BMP2K: variants seen among roughly 807,000 people sequenced by gnomAD.
The protein encoded by BMP2K is BMP2 inducible kinase.
Under a neutral mutation model 116.0 loss-of-function variants are expected in BMP2K, and 74 were observed. The ratio of observed to expected loss-of-function variants is 0.64; its 90% CI spans 0.53 to 0.77. The LOEUF is 0.77. BMP2K is among the 30% of genes least tolerant of loss of function. The probability of loss-of-function intolerance (pLI) is 0.00; values close to 1 mark genes in which losing one functional copy is unlikely to be tolerated. For missense variants in BMP2K, 1,365 were observed against 1,403.6 expected (o/e 0.97, Z 0.44); for synonymous variants, 486 against 502.5 (o/e 0.97, Z 0.44).
chr4:78,851,968 C>G (rs1351928802), intron 7 of BMP2K, among the ~76,000 whole-genome samples: 12 of 151,742 alleles, frequency 7.9e-5, no homozygotes, highest in African/African-American at 7.3e-5. Flanking sequence ...ACTCATTTGA[C>G]AAATGTCTAA....
chr4:78,911,256 T>G lies in BMP2K; in HGVS notation c.2709T>G (p.Phe903Leu). The G allele has an allele frequency of 6.2e-7, 1 of 1,613,988 alleles. No individual in the cohort carries two copies. Among genetic ancestry groups the G allele is most frequent in the Non-Finnish European group, 8.5e-7 (1 of 1,179,890 alleles). Residue 903 changes from phenylalanine to leucine, a missense_variant, in exon 16 of 16, where the codon TTT becomes TTG. Coordinates refer to ENST00000502613, the MANE Select transcript of BMP2K (RefSeq NM_198892.2). ...EEFDVFTKAPFSKKVNVQECH... is the reference protein window; with the variant it reads ...EEFDVFTKAPLSKKVNVQECH... ...TTGATGTATTCACAAAGGCGCCTTT[T>G]AGCAAGAAGGTGAATGTACAAGAAT...
At chr4:78,834,350 C>T (rs1003489820) in intron 3 of BMP2K, among the ~76,000 whole-genome samples, 5 of 151,796 alleles carry the variant, frequency 3.3e-5, no homozygotes, top group Non-Finnish European at 1.5e-5. Flanking sequence ...CCAGCTCGGC[C>T]TCCCGGGTTC....
chr4:78,903,917 G>C (rs1054143383), intron 15 of BMP2K, among the ~76,000 whole-genome samples: 2 of 151,964 alleles, frequency 1.3e-5, no homozygotes, highest in Non-Finnish European at 2.9e-5. Flanking sequence ...ACAGATGAGA[G>C]TTTTAAGCCA....
intron 1 of BMP2K, among the ~76,000 whole-genome samples, chr4:78,799,796 G>A (rs62310803): frequency 0.071 from 10,754 of 152,228 alleles, 501 homozygotes; most frequent in East Asian, 0.23. Context: ...CACCCCCTCA[G>A]AGTAGCCTGG....
intron 7 of BMP2K, among the ~76,000 whole-genome samples, chr4:78,855,258 C>G (rs1731450202): frequency 6.6e-6 from 1 of 152,006 alleles, no homozygotes; most frequent in Non-Finnish European, 1.5e-5. Flanking sequence ...AATGTTGATG[C>G]ATGAAATATT....
chr4:78,793,467 A>C (rs1187036939), intron 1 of BMP2K, among the ~76,000 whole-genome samples: 1 of 151,996 alleles, frequency 6.6e-6, no homozygotes, highest in Non-Finnish European at 1.5e-5. Context: ...TTTTAAATGA[A>C]TTAATAAAGG....
intron 1 of BMP2K, among the ~76,000 whole-genome samples, chr4:78,820,598 T>G (rs1729570546): frequency 6.6e-6 from 1 of 152,010 alleles, no homozygotes; most frequent in Non-Finnish European, 1.5e-5. Context: ...TGAGACGGAG[T>G]TTTGCTCTTG....
chr4:78,861,724 C>G lies in BMP2K; in HGVS notation c.1067+256C>G, dbSNP rs533997918. Among the ~76,000 whole-genome samples the G allele has an allele frequency of 2.6e-5, 4 of 151,492 alleles. No individual in the cohort carries two copies. In the East Asian group the frequency reaches 7.7e-4, roughly 29 times the overall value. On this transcript the variant is annotated intron_variant, in intron 9 of 15. Transcript: ENST00000502613. ...TTTAACTGATGATGTGACAGCGGGT[C>G]TTTTTTTTGGACAGGATTTGTCATT...
chr4:78,837,935 G>T (rs574734239), intron 3 of BMP2K, among the ~76,000 whole-genome samples: 3 of 152,170 alleles, frequency 2.0e-5, no homozygotes, highest in Admixed American at 1.3e-4. Flanking sequence ...AACCAGTGTG[G>T]CCAGCTAATG....
intron 1 of BMP2K, among the ~76,000 whole-genome samples, chr4:78,788,051 A>AT (rs567078046): frequency 8.8e-4 from 130 of 148,176 alleles, no homozygotes; most frequent in Admixed American, 1.8e-3. Flanking sequence ...TACTAAAGTA[A>AT]TTTTTTTTTT....
At chr4:78,890,259 A>C (rs934198314) in intron 15 of BMP2K, among the ~76,000 whole-genome samples, 1 of 151,924 alleles carries the variant, frequency 6.6e-6, no homozygotes, top group South Asian at 2.1e-4. Flanking sequence ...CACTTCTGGC[A>C]TTTTAATATA....
intron 7 of BMP2K, among the ~76,000 whole-genome samples, chr4:78,851,888 A>T (rs1731267886): frequency 6.6e-6 from 1 of 152,170 alleles, no homozygotes; most frequent in Admixed American, 6.6e-5. Context: ...ATCCATTGCC[A>T]TATAACTTTA....
rs769682431 is a variant in BMP2K, at chr4:78,910,787, A to G, written c.2240A>G (p.Asp747Gly). ...NDESESDFES[D>G]PPSPKSSEEE... ...GAATCTGAAAGTGATTTTGAATCAGATCCCCCTTCTCCTAAGAGCAGTGAA... is the reference window on the plus strand; with the variant it reads ...GAATCTGAAAGTGATTTTGAATCAGGTCCCCCTTCTCCTAAGAGCAGTGAA... Residue 747 changes from aspartate (D) to glycine (G), a missense_variant, in exon 16 of 16, where the codon GAT (aspartate) becomes GGT (glycine). By Grantham distance (94) the Asp-to-Gly change is moderately conservative (BLOSUM62 -1). This residue lies in a region of BMP2K where 596 missense variants were observed against 623.2 expected (regional missense o/e 0.96). Transcript: ENST00000502613. 2.5e-6 allele frequency: 4 copies of G among 1,613,770 alleles called. No homozygotes were observed. In the African/African-American group the frequency reaches 5.3e-5, roughly 22 times the overall value.
chr4:78,887,165 T>G lies in BMP2K; in HGVS notation c.1952-9T>G. On this transcript the variant is annotated splice_polypyrimidine_tract_variant and intron_variant, in intron 14 of 15. Coordinates refer to ENST00000502613, the MANE Select transcript of BMP2K (RefSeq NM_198892.2). ...TCATTTTTTATTTCGTTTCATCTTA[T>G]TTTTGCAGATAGGCTCGAGGAGAGA... 6.4e-7 allele frequency: 1 copy of G among 1,551,234 alleles called. No individual in the cohort carries two copies. The highest frequency in any genetic ancestry group is 8.8e-7 in the Non-Finnish European group (1 of 1,136,628).
At chr4:78,867,817 T>G (rs1189871770) in intron 10 of BMP2K, among the ~76,000 whole-genome samples, 2 of 152,176 alleles carry the variant, frequency 1.3e-5, no homozygotes, top group Non-Finnish European at 2.9e-5. Context: ...CCCAACACTT[T>G]GAGAGGCCGA....
intron 10 of BMP2K, among the ~76,000 whole-genome samples, chr4:78,870,445 T>C (rs1732273029): frequency 6.6e-6 from 1 of 152,192 alleles, no homozygotes; most frequent in South Asian, 2.1e-4. Context: ...AGACAGAGAA[T>C]TATATTGGTA....
At chr4:78,885,409 G>A (rs959879194) in intron 14 of BMP2K, among the ~76,000 whole-genome samples, 2 of 152,152 alleles carry the variant, frequency 1.3e-5, no homozygotes, top group Non-Finnish European at 2.9e-5. Flanking sequence ...AGTGTGGAAT[G>A]TCAGGATCCT....
intron 10 of BMP2K, among the ~76,000 whole-genome samples, chr4:78,867,093 A>G (rs951724966): frequency 1.4e-4 from 21 of 151,266 alleles, no homozygotes; most frequent in African/African-American, 4.9e-4. Flanking sequence ...GATCCCTTGG[A>G]CCCAGTAGAT....
In BMP2K at chr4:78,911,681, T is replaced by C; in HGVS notation, c.3134T>C (p.Ile1045Thr). 1 of 1,613,772 alleles carries C rather than the reference T, an allele frequency of 6.2e-7. No homozygotes were observed. The highest frequency in any genetic ancestry group is 8.5e-7 in the Non-Finnish European group (1 of 1,179,830). Reference sequence around the variant, plus strand: ...ACCATCTCAGACTCCAAGGAGAACATTAGTGTTGCACTGACTGATGGGAAA... The same window carrying C: ...ACCATCTCAGACTCCAAGGAGAACACTAGTGTTGCACTGACTGATGGGAAA... ...FLTISDSKEN[I>T]SVALTDGKDR... The change falls in exon 16 of 16, where the codon ATT becomes ACT. Residue 1045 changes from isoleucine (I) to threonine (T), a missense_variant. This residue lies in a region of BMP2K where 596 missense variants were observed against 623.2 expected (regional missense o/e 0.96). Coordinates refer to ENST00000502613, the MANE Select transcript of BMP2K (RefSeq NM_198892.2).
Sources: allele counts gnomAD v4.1 joint callset (sites outside exome capture counted in the v4.1 genomes callset), GRCh38; gene constraint gnomAD v4.1.1; regional missense constraint gnomAD v4.1.1; transcripts MANE v1.5; gene names NCBI Gene and HGNC (gene_info 2026-07-23, HGNC 2026-07-21).